Variants in PLCG1 observed in about 807,000 individuals in gnomAD.
PLCG1 encodes phospholipase C gamma 1.
PLCG1 carries 71 observed loss-of-function variants against 177.8 expected under a neutral mutation model. The ratio of observed to expected loss-of-function variants is 0.40; its 90% confidence interval spans 0.33 to 0.49. The LOEUF (loss-of-function observed/expected upper bound fraction) is 0.49, where lower values mean the gene tolerates loss of function less well. PLCG1 is among the 20% of genes least tolerant of loss of function. The probability of loss-of-function intolerance (pLI) is 0.72; values close to 1 mark genes in which losing one functional copy is unlikely to be tolerated. For missense variants in PLCG1, 1,281 were observed against 1,709.0 expected (o/e 0.75, Z 4.42); for synonymous variants, 658 against 647.9 (o/e 1.02, Z -0.24).
rs747810697 is a variant in PLCG1, at chr20:41,169,462, G to A, written c.2586G>A (p.Leu862=). Residue 862 remains leucine (L), a synonymous_variant, in exon 23 of 32, where the codon TTG becomes TTA. Transcript: ENST00000685551. ...PVALEPEREH[L]DENSPLGDLL... is the part of the protein sequence containing the mutation. The stretch of plus-strand genomic sequence containing the variant: ...GTGGGCTTTGCTTCCCACAGCACTT[G>A]GACGAGAACAGCCCCCTAGGGGACT... 1 of 1,613,174 alleles carries A rather than the reference G, an allele frequency of 6.2e-7. No individual in the cohort carries two copies. The highest frequency in any genetic ancestry group is 1.1e-5 in the South Asian group (1 of 91,064).
intron 21 of PLCG1, 57 bp from the exon 22 acceptor site, chr20:41,169,022 C>A: frequency 7.2e-7 from 1 of 1,389,872 alleles, no homozygotes; most frequent in Non-Finnish European, 1.0e-6. Context: ...CAAAGGATAC[C>A]CTCCTCATGG....
chr20:41,174,486 G>A lies in PLCG1; in HGVS notation c.3853G>A (p.Val1285Ile). ...RERRAPRRTR[V>I]NGDNRL Reference sequence around the variant, plus strand: ...GTCCAGGGCCCCAAGAAGGACTCGGGTCAATGGAGACAACCGCCTCTAGTT... The same window carrying A: ...GTCCAGGGCCCCAAGAAGGACTCGGATCAATGGAGACAACCGCCTCTAGTT... Residue 1285 changes from valine to isoleucine, a missense_variant, in exon 32 of 32, where the codon GTC becomes ATC. Around this residue, in one of 4 missense-constraint regions of PLCG1, gnomAD observed 153 missense variants for 153.2 expected, o/e 1.00. Transcript: ENST00000685551. This position sits in a 1 kb window ranked among gnomAD's most constrained non-coding sequence, Gnocchi z 5.8. 1 of 1,585,520 alleles carries A rather than the reference G, an allele frequency of 6.3e-7. No individual in the cohort carries two copies. The highest frequency in any genetic ancestry group is 8.6e-7 in the Non-Finnish European group (1 of 1,163,660).
In PLCG1 at chr20:41,169,074, C is replaced by G. The variant is rs1333765165; in HGVS notation, c.2484-5C>G. On this transcript the variant is annotated splice_region_variant and splice_polypyrimidine_tract_variant and intron_variant, in intron 21 of 31. Coordinates refer to ENST00000685551, the MANE Select transcript of PLCG1 (RefSeq NM_002660.3). ...CTGGAGGTCAGCACCCTGTGGCTCC[C>G]ACAGGTGGCGAGGGGACTACGGAGG... 6.2e-7 allele frequency: 1 copy of G among 1,611,978 alleles called. No homozygotes were observed. The highest frequency in any genetic ancestry group is 1.7e-5 in the Admixed American group (1 of 60,034).
chr20:41,161,576 A>C (rs1320806921), intron 4 of PLCG1, among the ~76,000 whole-genome samples: 1 of 152,142 alleles, frequency 6.6e-6, no homozygotes, highest in Non-Finnish European at 1.5e-5. Context: ...TGGGTGACTG[A>C]GGATCAGAGG....
Position 41,165,726 on chromosome 20 carries a change from C to T in PLCG1, c.1699C>T (p.Arg567Cys), listed in dbSNP as rs746765034. The T allele has an allele frequency of 2.1e-5, 34 of 1,613,660 alleles. No homozygotes were observed. The highest frequency in any genetic ancestry group is 2.7e-5 in the Non-Finnish European group (32 of 1,179,878). Residue 567 changes from arginine (R) to cysteine (C), a missense_variant, in exon 16 of 32, where the codon CGC becomes TGC. By Grantham distance (180) the Arg-to-Cys change is radical. Around this residue, in one of 4 missense-constraint regions of PLCG1, gnomAD observed 723 missense variants for 1,030.0 expected, o/e 0.70. Coordinates refer to ENST00000685551, the MANE Select transcript of PLCG1 (RefSeq NM_002660.3). The surrounding 1 kb of genome is among the most constrained non-coding windows in gnomAD (Gnocchi z 6.6). ...GCGTGACGGGCGTCACATCGCTGAG[C>T]GCCTGCTTACTGAGTACTGCATCGA... is the stretch of plus-strand genomic sequence containing the variant. Reference protein sequence around the residue: ...AGRDGRHIAERLLTEYCIETG... With the variant: ...AGRDGRHIAECLLTEYCIETG...
rs1254005838 is a variant in PLCG1 at position 41,144,650 on chromosome 20, C to A, written c.217+6792C>A. ...CCTGGGGCTCCATGCCCCAAATATC[C>A]TGAGAAGGGCTTTTCCAGGATTCTC... is the stretch of plus-strand genomic sequence containing the variant. On this transcript the variant is annotated intron_variant, in intron 1 of 31. Transcript: ENST00000685551. The surrounding 1 kb of genome is among the most constrained non-coding windows in gnomAD (Gnocchi z 4.1). 6.6e-6 allele frequency among the ~76,000 whole-genome samples: 1 copy of A among 152,236 alleles called. No homozygotes were observed. Among genetic ancestry groups the A allele is most frequent in the Admixed American group, 6.5e-5 (1 of 15,290 alleles).
Position 41,174,215 on chromosome 20 carries a change from G to C in PLCG1, c.3737G>C (p.Arg1246Pro). 2 of 1,614,140 alleles carry C rather than the reference G, an allele frequency of 1.2e-6. No homozygotes were observed. The highest frequency in any genetic ancestry group is 1.7e-6 in the Non-Finnish European group (2 of 1,180,024). ...GGCCAGCTGTTTCATGGCCGAGCCC[G>C]GGAAGGCTCCTTTGAATCCCGCTAC... is the stretch of plus-strand genomic sequence containing the variant. ...ASGQLFHGRA[R>P]EGSFESRYQQ... Residue 1246 changes from arginine to proline, a missense_variant, in exon 31 of 32, where the codon CGG (arginine) becomes CCG (proline). By Grantham distance (103) the Arg-to-Pro change is moderately radical. Coordinates refer to ENST00000685551, the MANE Select transcript of PLCG1 (RefSeq NM_002660.3). This position sits in a 1 kb window ranked among gnomAD's most constrained non-coding sequence, Gnocchi z 5.8.
chr20:41,168,064 T>A, intron 20 of PLCG1, 135 bp downstream of exon 20: 5 of 689,268 alleles, frequency 7.3e-6, no homozygotes, highest in Non-Finnish European at 1.3e-5. Context: ...CAAGAGGTTG[T>A]GAGAGATGTG....
rs552291598 is a variant in PLCG1, at chr20:41,163,279, T to C, written c.789+4T>C. On this transcript the variant is annotated splice_donor_region_variant and intron_variant, in intron 8 of 31. Transcript: ENST00000685551. The surrounding 1 kb of genome is among the most constrained non-coding windows in gnomAD (Gnocchi z 5.2). ...GTTCCTTCTTGACTACCAGGGGGTA[T>C]GGCTGGGCTGACATTGGCCCAGGCT... The C allele has an allele frequency of 3.6e-5, 57 of 1,572,528 alleles. 1 individual carries two copies. The South Asian group carries it at 6.2e-4, about 17-fold the overall frequency.
At chr20:41,143,826 TTATATA>T (rs1423402272) in intron 1 of PLCG1, among the ~76,000 whole-genome samples, 1 of 152,120 alleles carries the variant, frequency 6.6e-6, no homozygotes, top group Non-Finnish European at 1.5e-5. Context: ...ATAAGGGAGA[TTATATA>T]TAAGAGTAAG....
chr20:41,138,869 C>G (rs2145990273), intron 1 of PLCG1, among the ~76,000 whole-genome samples: 1 of 152,176 alleles, frequency 6.6e-6, no homozygotes, highest in Non-Finnish European at 1.5e-5. Flanking sequence ...GTGCTGTGGT[C>G]GGATGGGCAC....
At chr20:41,149,678 A>G (rs1054327220) in intron 1 of PLCG1, among the ~76,000 whole-genome samples, 3 of 152,218 alleles carry the variant, frequency 2.0e-5, no homozygotes, top group African/African-American at 7.2e-5. Context: ...GGGTGTGGGC[A>G]TGGCTGACAC....
At position 41,169,643 on chromosome 20, in the gene PLCG1, C is replaced by A. The variant is rs6029556; in HGVS notation, c.2650+117C>A. The A allele has an allele frequency of 6.4e-6, 5 of 776,992 alleles. No homozygotes were observed. In the East Asian group the frequency reaches 1.2e-4, roughly 19 times the overall value. The allele number at this position is 776,992 out of a possible 1,614,324, so 48.1% of individuals were successfully genotyped here. On this transcript the variant is annotated intron_variant, in intron 23 of 31. Transcript: ENST00000685551. ...CTGAACCCCAAAGTCTGCCCTCACT[C>A]CAAGCTCTCCCCATGCTCTGGACAT...
rs1422524105 is a variant in PLCG1 at position 41,137,834 on chromosome 20, G to A, written c.193G>A (p.Gly65Ser). Residue 65 changes from glycine (G) to serine (S), a missense_variant, in exon 1 of 32, where the codon GGC (glycine) becomes AGC (serine). By Grantham distance (56) the Gly-to-Ser change is moderately conservative. Coordinates refer to ENST00000685551, the MANE Select transcript of PLCG1 (RefSeq NM_002660.3). The surrounding 1 kb of genome is among the most constrained non-coding windows in gnomAD (Gnocchi z 7.3). ...GACGCGCCAGATCACGTGGAGCCGG[G>A]GCGCCGACAAGATCGAGGGGGCCAG... ...LETRQITWSR[G>S]ADKIEGAIDI... The A allele has an allele frequency of 2.3e-6, 3 of 1,295,860 alleles. No homozygotes were observed. The South Asian group carries it at 9.7e-5, about 42-fold the overall frequency. The allele number at this position is 1,295,860 out of a possible 1,614,324, so 80.3% of individuals were successfully genotyped here. A position where few individuals can be genotyped will look rare whatever the true frequency, so the allele number is the denominator to read the frequency against.
Position 41,169,625 on chromosome 20 carries a change from C to G in PLCG1, c.2650+99C>G, listed in dbSNP as rs187184768. ...TAGGGAGGAAGCTGATGGCTGAACC[C>G]CAAAGTCTGCCCTCACTCCAAGCTC... On this transcript the variant is annotated intron_variant, in intron 23 of 31. Transcript: ENST00000685551. 14 of 917,866 alleles carry G rather than the reference C, an allele frequency of 1.5e-5. No individual in the cohort carries two copies. In the African/African-American group the frequency reaches 2.0e-4, roughly 13 times the overall value. 56.9% of individuals were successfully genotyped at this position (917,866 alleles called of 1,614,324 possible). A position where few individuals can be genotyped will look rare whatever the true frequency, so the allele number is the denominator to read the frequency against.
chr20:41,145,685 G>T (rs970495340), intron 1 of PLCG1, among the ~76,000 whole-genome samples: 12 of 152,154 alleles, frequency 7.9e-5, no homozygotes, highest in African/African-American at 2.9e-4. Flanking sequence ...CTTCTAGGGG[G>T]TGTTTTCAGC....
chr20:41,154,202 T>C lies in PLCG1; in HGVS notation c.218-5404T>C, dbSNP rs1426004638. Among the ~76,000 whole-genome samples, 5 of 152,222 alleles carry C rather than the reference T, an allele frequency of 3.3e-5. No individual in the cohort carries two copies. In the East Asian group the frequency reaches 5.8e-4, roughly 18 times the overall value. On this transcript the variant is annotated intron_variant, in intron 1 of 31. Coordinates refer to ENST00000685551, the MANE Select transcript of PLCG1 (RefSeq NM_002660.3). ...TTCATAATACCTCTCTACACCCTTT[T>C]TGCCTGCTGAGCGGTTAACAGGCTT...
In PLCG1 at chr20:41,173,979, C is replaced by G; in HGVS notation, c.3613C>G (p.Leu1205Val). The change falls in exon 30 of 32, where the codon CTG becomes GTG. Residue 1205 changes from leucine to valine, a missense_variant. Leu to Val is a conservative substitution (Grantham distance 32, BLOSUM62 1). Around this residue, in one of 4 missense-constraint regions of PLCG1, gnomAD observed 153 missense variants for 153.2 expected, o/e 1.00. Coordinates refer to ENST00000685551, the MANE Select transcript of PLCG1 (RefSeq NM_002660.3). The surrounding 1 kb of genome is among the most constrained non-coding windows in gnomAD (Gnocchi z 6.2). ...NYSEDLELAS[L>V]LIKIDIFPAK... is the part of the protein sequence containing the mutation. ...CAGTGAGGACCTGGAGTTGGCCTCC[C>G]TGCTGATCAAGATTGACATTTTCCC... is the stretch of plus-strand genomic sequence containing the variant. 6.2e-7 allele frequency: 1 copy of G among 1,614,146 alleles called. No homozygotes were observed. The highest frequency in any genetic ancestry group is 8.5e-7 in the Non-Finnish European group (1 of 1,179,996).
Position 41,137,728 on chromosome 20 carries a change from C to G in PLCG1, c.87C>G (p.Leu29=), listed in dbSNP as rs974317448. 24 of 1,315,538 alleles carry G rather than the reference C, an allele frequency of 1.8e-5. No homozygotes were observed. The highest frequency in any genetic ancestry group is 4.6e-5 in the African/African-American group (3 of 65,026). 81.5% of individuals were successfully genotyped at this position (1,315,538 alleles called of 1,614,324 possible). ...AGGTGCTGCACCTCTGCCGCAGCCTCGAGGTGGGCACCGTCATGACTTTGT... is the reference window on the plus strand; with the variant it reads ...AGGTGCTGCACCTCTGCCGCAGCCTGGAGGTGGGCACCGTCATGACTTTGT... ...DAEVLHLCRS[L]EVGTVMTLFY... The change falls in exon 1 of 32, where the codon CTC becomes CTG. Residue 29 remains leucine, a synonymous_variant. Coordinates refer to ENST00000685551, the MANE Select transcript of PLCG1 (RefSeq NM_002660.3). The surrounding 1 kb of genome is among the most constrained non-coding windows in gnomAD (Gnocchi z 7.3).
Sources: gnomAD v4.1 joint callset for allele counts (sites outside exome capture counted in the v4.1 genomes callset) on GRCh38, gnomAD v4.1.1 for gene constraint, gnomAD v4.1.1 regional missense constraint, Gnocchi (gnomAD v3.1) non-coding constraint, MANE v1.5 for transcripts, NCBI Gene and HGNC (gene_info 2026-07-23, HGNC 2026-07-21) for gene names.